Variants in CSMD2 observed in about 807,000 individuals in gnomAD.
The protein encoded by CSMD2 is CUB and sushi domain-containing protein 2.
A neutral mutation model predicts 398.5 loss-of-function variants in CSMD2; 130 were observed. That is an observed-to-expected ratio of 0.33 (90% CI 0.28 to 0.38). CSMD2 has a LOEUF of 0.38. Ranked by LOEUF, CSMD2 falls within the 10% of genes least tolerant of loss-of-function variation. The pLI is 1.00. For synonymous variants in CSMD2, 1,828 were observed against 1,908.5 expected, an observed-to-expected ratio of 0.96 and a Z score of 1.10; for missense variants, 3,829 against 4,764.9, an observed-to-expected ratio of 0.80 and a Z score of 5.78.
At chr1:33,908,021 A>G (rs1643210362) in intron 5 of CSMD2, among the ~76,000 whole-genome samples, 2 of 136,506 alleles carry the variant, frequency 1.5e-5, no homozygotes, top group Non-Finnish European at 3.0e-5. Flanking sequence ...TGGGAGGTGG[A>G]GGCTGCAGTG....
chr1:33,766,187 G>A (rs757006306), intron 13 of CSMD2, among the ~76,000 whole-genome samples: 9 of 151,956 alleles, frequency 5.9e-5, no homozygotes, highest in Non-Finnish European at 1.0e-4. Context: ...GTGGGCGCGC[G>A]TGTGTGTGTG....
intron 13 of CSMD2, among the ~76,000 whole-genome samples, chr1:33,758,251 C>A (rs756246185): frequency 1.1e-4 from 17 of 152,272 alleles, no homozygotes; most frequent in Non-Finnish European, 2.2e-4. Context: ...CTAGAATGTT[C>A]GCTCCTCCCC....
At chr1:34,132,530 T>G (rs544745615) in intron 1 of CSMD2, among the ~76,000 whole-genome samples, 3 of 152,230 alleles carry the variant, frequency 2.0e-5, no homozygotes, top group African/African-American at 7.2e-5. Flanking sequence ...GATGCCCAGA[T>G]AGCTGGGAAA....
chr1:33,695,404 T>TG (rs1282343135), intron 24 of CSMD2, among the ~76,000 whole-genome samples: 2 of 152,130 alleles, frequency 1.3e-5, no homozygotes, highest in Non-Finnish European at 2.9e-5. Context: ...GGCAGTATGA[T>TG]GGGGTACAGC....
At chr1:33,677,461 G>C (rs1003855716) in intron 25 of CSMD2, among the ~76,000 whole-genome samples, 8 of 152,192 alleles carry the variant, frequency 5.3e-5, no homozygotes, top group African/African-American at 1.7e-4. Flanking sequence ...GGAAACAACA[G>C]GTGCTGGAGA....
At chr1:33,615,727 T>C (rs947282828) in intron 39 of CSMD2, among the ~76,000 whole-genome samples, 12 of 152,222 alleles carry the variant, frequency 7.9e-5, no homozygotes, top group Admixed American at 7.8e-4. Context: ...GCAAGGTCTT[T>C]GTAGTCTCTA....
At chr1:34,001,226 G>A (rs1646891461) in intron 3 of CSMD2, among the ~76,000 whole-genome samples, 1 of 152,092 alleles carries the variant, frequency 6.6e-6, no homozygotes, top group African/African-American at 2.4e-5. Context: ...ATTGACAAAA[G>A]AAATTCAACA....
At chr1:33,560,882 T>C (rs535585207) in intron 53 of CSMD2, among the ~76,000 whole-genome samples, 19 of 152,338 alleles carry the variant, frequency 1.2e-4, no homozygotes, top group African/African-American at 4.6e-4. Context: ...AATCAGCGAA[T>C]GAGTAAGTGC....
chr1:33,619,690 C>G (rs1557632720), intron 37 of CSMD2, among the ~76,000 whole-genome samples: 2 of 152,304 alleles, frequency 1.3e-5, no homozygotes, highest in East Asian at 3.9e-4. Context: ...GGAAATTCCT[C>G]ACACTTTTCC....
At chr1:34,105,214 C>A (rs1660414029) in intron 1 of CSMD2, among the ~76,000 whole-genome samples, 1 of 152,144 alleles carries the variant, frequency 6.6e-6, no homozygotes, top group African/African-American at 2.4e-5. Flanking sequence ...TCAACCTCAA[C>A]ACTATCAACA....
intron 5 of CSMD2, among the ~76,000 whole-genome samples, chr1:33,865,424 G>A (rs1422525178): frequency 6.6e-6 from 1 of 151,896 alleles, no homozygotes; most frequent in Non-Finnish European, 1.5e-5. Flanking sequence ...AAAGCAGGGG[G>A]CTGGGGAACC....
At chr1:33,781,645 G>C (rs1486616248) in intron 12 of CSMD2, among the ~76,000 whole-genome samples, 1 of 152,178 alleles carries the variant, frequency 6.6e-6, no homozygotes, top group East Asian at 1.9e-4. Flanking sequence ...TCAGCATTAA[G>C]CTGCCAGATT....
At chr1:33,744,234 G>C (rs1284361504) in intron 13 of CSMD2, among the ~76,000 whole-genome samples, 1 of 152,234 alleles carries the variant, frequency 6.6e-6, no homozygotes, top group East Asian at 1.9e-4. Flanking sequence ...TGACACAGCA[G>C]TGCTAATTCC....
At chr1:33,817,272 G>A (rs1391188778) in intron 9 of CSMD2, among the ~76,000 whole-genome samples, 2 of 152,158 alleles carry the variant, frequency 1.3e-5, no homozygotes, top group African/African-American at 4.8e-5. Context: ...TGGCCTATAG[G>A]AGGGGAGAAA....
In CSMD2 at chr1:34,165,043, C is replaced by T. The variant is rs948539249; in HGVS notation, c.55G>A (p.Ala19Thr). The change falls in exon 1 of 71, where the codon GCT becomes ACT. Residue 19 changes from alanine (A) to threonine (T), a missense_variant. By Grantham distance (58) the Ala-to-Thr change is moderately conservative (BLOSUM62 0). This residue lies in a region of CSMD2 where 184 missense variants were observed against 217.7 expected (regional missense o/e 0.85). Transcript: ENST00000373381. ...LGRCGCPAGR[A>T]RGETGISALV... The stretch of plus-strand genomic sequence containing the variant: ...GCCGAAATCCCGGTTTCGCCGCGAG[C>T]CCTCCCCGCGGGGCAGCCGCAGCGC... 7.1e-4 allele frequency: 857 copies of T among 1,214,018 alleles called. 8 individuals carry two copies. In the African/African-American group the frequency reaches 0.011, roughly 16 times the overall value. The allele number at this position is 1,214,018 out of a possible 1,614,324, so 75.2% of individuals were successfully genotyped here. A position where few individuals can be genotyped will look rare whatever the true frequency, so the allele number is the denominator to read the frequency against.
chr1:34,013,305 C>T (rs560915262), intron 3 of CSMD2, among the ~76,000 whole-genome samples: 39 of 152,188 alleles, frequency 2.6e-4, no homozygotes, highest in Non-Finnish European at 5.3e-4. Flanking sequence ...CCTTTGTCTG[C>T]GCTGCCATCT....
In CSMD2 at chr1:33,623,406, C is replaced by T; in HGVS notation, c.5686G>A (p.Ala1896Thr). The T allele has an allele frequency of 6.2e-7, 1 of 1,614,178 alleles. No individual in the cohort carries two copies. Among genetic ancestry groups the T allele is most frequent in the Non-Finnish European group, 8.5e-7 (1 of 1,180,022 alleles). The change falls in exon 36 of 71, where the codon GCA (alanine) becomes ACA (threonine). Residue 1896 changes from alanine (A) to threonine (T), a missense_variant. Physicochemically the swap from Ala to Thr is moderately conservative, Grantham distance 58. Coordinates refer to ENST00000373381, the MANE Select transcript of CSMD2 (RefSeq NM_001281956.2). ...NWDSLEVFDG[A>T]DNTVTMLGSF... ...CCCAGCATGGTTACAGTGTTATCTGCACCATCAAATACTTCCAGCGAGTCC... is the reference window on the plus strand; with the variant it reads ...CCCAGCATGGTTACAGTGTTATCTGTACCATCAAATACTTCCAGCGAGTCC...
Position 33,545,750 on chromosome 1 carries a change from G to A in CSMD2, c.9100+287C>T, listed in dbSNP as rs988681366. Among the ~76,000 whole-genome samples, 12 of 152,276 alleles carry A rather than the reference G, an allele frequency of 7.9e-5. No homozygotes were observed. The East Asian group carries it at 1.7e-3, about 22-fold the overall frequency. ...TCCCCAGCACATTCCACAGCACTTG[G>A]CACATAGATGCTGAATGAAACTATA... On this transcript the variant is annotated intron_variant, in intron 57 of 70. Transcript: ENST00000373381.
At chr1:33,864,242 T>C in intron 5 of CSMD2, 1 of 1,612,820 alleles carries the variant, frequency 6.2e-7, no homozygotes, top group Non-Finnish European at 8.5e-7. Context: ...CTTCTTACGT[T>C]CACTTTTTGC....
Sources: allele counts gnomAD v4.1 joint callset (sites outside exome capture counted in the v4.1 genomes callset), GRCh38; gene constraint gnomAD v4.1.1; regional missense constraint gnomAD v4.1.1; transcripts MANE v1.5; gene names NCBI Gene and HGNC (gene_info 2026-07-23, HGNC 2026-07-21).